The following SACM1L variants were observed in gnomAD, a reference collection of about 807,000 sequenced individuals.
SACM1L encodes phosphatidylinositol-3-phosphatase SAC1.
In SACM1L, 32 loss-of-function variants were observed where a neutral mutation model predicts 89.5. The ratio of observed to expected loss-of-function variants is 0.36; its 90% CI spans 0.27 to 0.48. The LOEUF is 0.48. Ranked by LOEUF, SACM1L falls within the 20% of genes least tolerant of loss-of-function variation. The pLI is 0.99. For synonymous variants in SACM1L, 213 were observed against 232.8 expected (o/e 0.92, Z 0.77); for missense variants, 543 against 708.5 (o/e 0.77, Z 2.65).
At chr3:45,704,976 G>C (rs1698353939) in intron 2 of SACM1L, among the ~76,000 whole-genome samples, 159 bp from the exon 3 acceptor site, 1 of 152,110 alleles carries the variant, frequency 6.6e-6, no homozygotes, top group South Asian at 2.1e-4. Flanking sequence ...ATAACTTATA[G>C]CTCTATCAAT....
rs149039329 is a variant in SACM1L at position 45,740,091 on chromosome 3, G to C, written c.1627+447G>C. 5.0e-3 allele frequency among the ~76,000 whole-genome samples: 766 copies of C among 152,260 alleles called. 9 individuals carry two copies. The highest frequency in any genetic ancestry group is 0.017 in the African/African-American group (711 of 41,542). On this transcript the variant is annotated intron_variant, in intron 19 of 19. Coordinates refer to ENST00000389061, the MANE Select transcript of SACM1L (RefSeq NM_014016.5). Reference sequence around the variant, plus strand: ...TGGAAACAAAAGGGGAGGGTAGGTAGTAAGATAAGTGGTCACATTCTTGTG... The same window carrying C: ...TGGAAACAAAAGGGGAGGGTAGGTACTAAGATAAGTGGTCACATTCTTGTG...
At chr3:45,692,328 T>C (rs898194176) in intron 1 of SACM1L, among the ~76,000 whole-genome samples, 43 of 151,972 alleles carry the variant, frequency 2.8e-4, no homozygotes, top group Admixed American at 2.0e-3. Context: ...TTTTTTTTTT[T>C]TTTATTATTT....
intron 11 of SACM1L, among the ~76,000 whole-genome samples, chr3:45,726,171 T>A (rs561515274): frequency 1.3e-5 from 2 of 151,618 alleles, no homozygotes; most frequent in East Asian, 3.9e-4. Context: ...TGTAATATCT[T>A]TGTTTGGTTT....
intron 1 of SACM1L, among the ~76,000 whole-genome samples, chr3:45,691,598 GT>G (rs58820120): frequency 1.5e-4 from 22 of 150,150 alleles, no homozygotes; most frequent in Non-Finnish European, 2.5e-4. Flanking sequence ...TGAAATGCTT[GT>G]TTTTTTTTTC....
intron 1 of SACM1L, chr3:45,690,263 T>C (rs574034331): frequency 6.6e-6 from 1 of 152,274 alleles, no homozygotes; most frequent in Non-Finnish European, 1.5e-5. Flanking sequence ...TTTATTTCCC[T>C]TAGTGTTACC....
At chr3:45,724,202 A>G (rs535395551) in intron 11 of SACM1L, among the ~76,000 whole-genome samples, 1 of 152,222 alleles carries the variant, frequency 6.6e-6, no homozygotes, top group African/African-American at 2.4e-5. Context: ...GAACCACCAT[A>G]CTGTTTGCCA....
At chr3:45,728,954 G>A (rs1698986669) in intron 11 of SACM1L, among the ~76,000 whole-genome samples, 1 of 152,172 alleles carries the variant, frequency 6.6e-6, no homozygotes, top group Admixed American at 6.5e-5. Flanking sequence ...GATTACAGAT[G>A]TGAGCCACCA....
At chr3:45,706,060 G>A (rs1003061827) in intron 3 of SACM1L, among the ~76,000 whole-genome samples, 9 of 152,200 alleles carry the variant, frequency 5.9e-5, no homozygotes, top group African/African-American at 1.9e-4. Flanking sequence ...CGTGTAAGTA[G>A]TAAATTACTG....
chr3:45,723,305 T>C (rs1377494439), intron 10 of SACM1L, among the ~76,000 whole-genome samples, 170 bp from the exon 11 acceptor site: 1 of 152,126 alleles, frequency 6.6e-6, no homozygotes, highest in African/African-American at 2.4e-5. Flanking sequence ...TTATGATTAC[T>C]AGATGACATT....
At chr3:45,708,484 C>T (rs974106018) in intron 4 of SACM1L, among the ~76,000 whole-genome samples, 24 of 152,060 alleles carry the variant, frequency 1.6e-4, no homozygotes, top group Admixed American at 6.5e-5. Flanking sequence ...AAACATATAA[C>T]TTAGGATAAA....
At chr3:45,708,774 T>G (rs1435105798) in intron 4 of SACM1L, among the ~76,000 whole-genome samples, 1 of 152,190 alleles carries the variant, frequency 6.6e-6, no homozygotes, top group Non-Finnish European at 1.5e-5. Context: ...ATTTTGTATA[T>G]GTAGATTTGT....
At chr3:45,735,621 G>A (rs17078280) in intron 14 of SACM1L, among the ~76,000 whole-genome samples, 9,073 of 152,010 alleles carry the variant, frequency 0.06, 898 homozygotes, top group African/African-American at 0.21. Context: ...TTGTTGTGCC[G>A]TAATTTACTA....
intron 1 of SACM1L, among the ~76,000 whole-genome samples, chr3:45,695,437 T>C (rs907214008): frequency 1.3e-5 from 2 of 152,026 alleles, no homozygotes; most frequent in African/African-American, 4.8e-5. Flanking sequence ...ATTTTTGTAT[T>C]GTTAGTAGAG....
At chr3:45,712,674 G>T (rs1412379768) in intron 5 of SACM1L, among the ~76,000 whole-genome samples, 3 of 152,192 alleles carry the variant, frequency 2.0e-5, no homozygotes, top group Admixed American at 1.3e-4. Flanking sequence ...CAGAGATTTG[G>T]TTCTTTAGAT....
intron 1 of SACM1L, among the ~76,000 whole-genome samples, chr3:45,699,106 T>C (rs1158981758): frequency 6.6e-6 from 1 of 152,186 alleles, no homozygotes; most frequent in Non-Finnish European, 1.5e-5. Context: ...TTTATTTCAA[T>C]CTTATGTATA....
At chr3:45,692,659 T>C (rs1698023214) in intron 1 of SACM1L, among the ~76,000 whole-genome samples, 1 of 152,242 alleles carries the variant, frequency 6.6e-6, no homozygotes, top group Non-Finnish European at 1.5e-5. Flanking sequence ...GTACCTTCTT[T>C]GAGAAATGTT....
chr3:45,739,968 A>G, intron 19 of SACM1L: 1 of 356,378 alleles, frequency 2.8e-6, no homozygotes, highest in Non-Finnish European at 5.2e-6. Flanking sequence ...AAAGAGACAC[A>G]AGATACAGTA....
intron 7 of SACM1L, among the ~76,000 whole-genome samples, chr3:45,714,605 C>G (rs1698606520): frequency 6.6e-6 from 1 of 152,044 alleles, no homozygotes. Context: ...GACTCAGACA[C>G]TAGTGTGGGT....
intron 1 of SACM1L, among the ~76,000 whole-genome samples, chr3:45,692,301 A>G (rs570182811): frequency 1.9e-4 from 27 of 145,084 alleles, no homozygotes; most frequent in African/African-American, 6.7e-4. Flanking sequence ...GGATTATTGT[A>G]AGGTTTGAAA....
Sources: gnomAD v4.1 joint callset for allele counts (sites outside exome capture counted in the v4.1 genomes callset) on GRCh38, gnomAD v4.1.1 for gene constraint, MANE v1.5 for transcripts, NCBI Gene and HGNC (gene_info 2026-07-23, HGNC 2026-07-21) for gene names.